FER1L5: variants seen among roughly 807,000 people sequenced by gnomAD.
The protein encoded by FER1L5 is fer-1-like protein 5.
FER1L5 carries 187 observed loss-of-function variants against 279.9 expected under a neutral mutation model. The observed-to-expected ratio is 0.67, with a 90% CI of 0.59 to 0.75. The LOEUF (loss-of-function observed/expected upper bound fraction) is 0.75, where lower values mean the gene tolerates loss of function less well. Among genes scored for constraint, FER1L5 ranks in the 30% least tolerant of loss-of-function variants. FER1L5 has a pLI of 0.00. For missense variants in FER1L5, 2,091 were observed against 2,594.4 expected (o/e 0.81, Z 4.21); for synonymous variants, 921 against 989.7 (o/e 0.93, Z 1.30).
Position 96,693,987 on chromosome 2 carries a change from C to T in FER1L5, c.3551C>T (p.Pro1184Leu). 6.4e-7 allele frequency: 1 copy of T among 1,551,550 alleles called. No individual in the cohort carries two copies. Among genetic ancestry groups the T allele is most frequent in the Non-Finnish European group, 8.7e-7 (1 of 1,146,992 alleles). The change falls in exon 33 of 53, where the codon CCC (proline) becomes CTC (leucine). Residue 1184 changes from proline (P) to leucine (L), a missense_variant. Transcript: ENST00000624922. ...WLDLQDRILP[P>L]MRWHPLVKEL... is the part of the protein sequence containing the mutation. ...GATCTCCAGGACCGGATCCTGCCCC[C>T]CATGAGGTGGCATCCCCTTGTAAAG... is the stretch of plus-strand genomic sequence containing the variant.
At chr2:96,643,865 GAAGT>G (rs2074995076) in intron 1 of FER1L5, among the ~76,000 whole-genome samples, 2 of 151,426 alleles carry the variant, frequency 1.3e-5, no homozygotes, top group Admixed American at 1.3e-4. Context: ...TAAAAGGAAA[GAAGT>G]AAAAGAAAAA....
rs960948953 is a variant in FER1L5 at position 96,669,997 on chromosome 2, T to G, written c.1363-122T>G. On this transcript the variant is annotated intron_variant, in intron 17 of 52. Coordinates refer to ENST00000624922, the MANE Select transcript of FER1L5 (RefSeq NM_001293083.2). ...TGGAATTCTTCTCCGGGATTGTGGT[T>G]GCAGTAAGCCCCGGGCAGGCAGTGA... 89 of 1,309,710 alleles carry G rather than the reference T, an allele frequency of 6.8e-5. No individual in the cohort carries two copies. In the East Asian group the frequency reaches 2.3e-3, roughly 33 times the overall value. The allele number at this position is 1,309,710 out of a possible 1,614,324, so 81.1% of individuals were successfully genotyped here.
In FER1L5 at chr2:96,696,066, A is replaced by C. The variant is rs750980263; in HGVS notation, c.4072A>C (p.Lys1358Gln). Residue 1358 changes from lysine to glutamine, a missense_variant, in exon 37 of 53, where the codon AAG (lysine) becomes CAG (glutamine). Transcript: ENST00000624922. ...HPKLPTLSEK[K>Q]HQDFLGYLYR... ...TCCCCGCACAGCGCTGTCTGAGAAG[A>C]AGCACCAAGACGTAAGTAAGGGCTG... 1.5e-5 allele frequency: 24 copies of C among 1,613,874 alleles called. No homozygotes were observed. Among genetic ancestry groups the C allele is most frequent in the East Asian group, 2.2e-5 (1 of 44,868 alleles).
chr2:96,661,465 C>G (rs1183035835), intron 11 of FER1L5, 25 bp downstream of exon 11: 6 of 1,547,500 alleles, frequency 3.9e-6, no homozygotes, highest in Non-Finnish European at 5.2e-6. Flanking sequence ...ACCCCGGAAA[C>G]TTTCCTATCC....
chr2:96,693,837 T>C, intron 32 of FER1L5, 74 bp from the exon 33 acceptor site: 1 of 1,482,962 alleles, frequency 6.7e-7, no homozygotes, highest in Non-Finnish European at 9.0e-7. Flanking sequence ...GCTGTTGCCC[T>C]TGCCTTGAGA....
chr2:96,665,605 C>CTT (rs769796630), intron 14 of FER1L5, among the ~76,000 whole-genome samples: 4 of 143,956 alleles, frequency 2.8e-5, no homozygotes, highest in Non-Finnish European at 6.1e-5. Context: ...CTTTGTTCAT[C>CTT]TTTTTTTTTT....
chr2:96,642,911 CG>C lies in FER1L5; in HGVS notation c.76del (p.Asp26ThrfsTer23). On this transcript the variant is annotated frameshift_variant, in exon 1 of 53. Coordinates refer to ENST00000624922, the MANE Select transcript of FER1L5 (RefSeq NM_001293083.2). LOFTEE classifies it high-confidence loss of function. Reference protein sequence around the residue: ...APLPRPCMSIDFRDIKKRTRV... With the variant: ...APLPRPCMSIXFRDIKKRTRV... ...CACTACCCAGGCCCTGCATGTCCAT[CG>C]ACTTCAGAGGTGAGAGCCTCCCTGG... The C allele has an allele frequency of 6.4e-7, 1 of 1,550,836 alleles. No homozygotes were observed. The highest frequency in any genetic ancestry group is 8.7e-7 in the Non-Finnish European group (1 of 1,146,570).
chr2:96,665,973 T>C (rs961003085), intron 14 of FER1L5, among the ~76,000 whole-genome samples: 1 of 151,918 alleles, frequency 6.6e-6, no homozygotes, highest in African/African-American at 2.4e-5. Context: ...TTTGAAGATG[T>C]TCAAACACCC....
chr2:96,647,305 A>C, intron 3 of FER1L5, 150 bp downstream of exon 3: 1 of 838,260 alleles, frequency 1.2e-6, no homozygotes, highest in Non-Finnish European at 1.8e-6. Context: ...GGGTACTGAA[A>C]GGGTAGCCAG....
chr2:96,704,585 C>A lies in FER1L5; in HGVS notation c.6067C>A (p.Gln2023Lys), dbSNP rs200360125. 2,237 of 1,613,982 alleles carry A rather than the reference C, an allele frequency of 1.4e-3. 1 individual carries two copies. Among genetic ancestry groups the A allele is most frequent in the Admixed American group, 2.2e-3 (131 of 60,026 alleles). ...CGCCAGCTCTTCCATCCTTCCCACC[C>A]AGGATCCAAACCTAAAGCCTACAAT... ...SNASSSILPT[Q>K]DPNLKPTIDH... Residue 2023 changes from glutamine to lysine, a missense_variant, in exon 53 of 53, where the codon CAG (glutamine) becomes AAG (lysine). By Grantham distance (53) the Gln-to-Lys change is moderately conservative. Transcript: ENST00000624922.
rs2077374681 is a variant in FER1L5, at chr2:96,696,253, T to C, written c.4083+176T>C. On this transcript the variant is annotated intron_variant, in intron 37 of 52. Transcript: ENST00000624922. ...CTGTAGGTCTCTAAGCCTGACTGCA[T>C]GTTAGAATCATCTGAGAGTTTTTGA... Among the ~76,000 whole-genome samples, 4 of 152,308 alleles carry C rather than the reference T, an allele frequency of 2.6e-5. No homozygotes were observed. The South Asian group carries it at 6.2e-4, about 24-fold the overall frequency.
chr2:96,651,239 C>T (rs376375394), intron 6 of FER1L5, among the ~76,000 whole-genome samples: 2 of 24,098 alleles, frequency 8.3e-5, no homozygotes, highest in Non-Finnish European at 9.1e-5. Flanking sequence ...CTTTCTTTCT[C>T]TTTCTTTCTT....
rs2076236115 is a variant in FER1L5 at position 96,669,236 on chromosome 2, T to G, written c.1362+99T>G. 7.4e-6 allele frequency: 9 copies of G among 1,210,328 alleles called. No homozygotes were observed. The Admixed American group carries it at 2.1e-4, about 28-fold the overall frequency. The allele number at this position is 1,210,328 out of a possible 1,614,324, so 75.0% of individuals were successfully genotyped here. A position where few individuals can be genotyped will look rare whatever the true frequency, so the allele number is the denominator to read the frequency against. ...GTGCCCCGAGGCCCCGGCCCTGGTTTCTGTCCCTCGGGGTCTTGTGGAGGA... is the reference window on the plus strand; with the variant it reads ...GTGCCCCGAGGCCCCGGCCCTGGTTGCTGTCCCTCGGGGTCTTGTGGAGGA... On this transcript the variant is annotated intron_variant, in intron 17 of 52. Coordinates refer to ENST00000624922, the MANE Select transcript of FER1L5 (RefSeq NM_001293083.2).
In FER1L5 at chr2:96,698,573, C is replaced by G; in HGVS notation, c.4357-98C>G. Reference sequence around the variant, plus strand: ...CTATCCCTGCCACCCTCAGCCCAACCCTCTCTCTCCTGAACATGGGCTGGG... The same window carrying G: ...CTATCCCTGCCACCCTCAGCCCAACGCTCTCTCTCCTGAACATGGGCTGGG... On this transcript the variant is annotated intron_variant, in intron 40 of 52. Transcript: ENST00000624922. This position sits in a 1 kb window ranked among gnomAD's most constrained non-coding sequence, Gnocchi z 5.5. 9.5e-7 allele frequency: 1 copy of G among 1,056,436 alleles called. No individual in the cohort carries two copies. Among genetic ancestry groups the G allele is most frequent in the South Asian group, 1.5e-5 (1 of 65,672 alleles). 65.4% of individuals were successfully genotyped at this position (1,056,436 alleles called of 1,614,324 possible).
rs985389957 is a variant in FER1L5, at chr2:96,691,533, G to A, written c.2996G>A (p.Arg999His). 94 of 1,549,804 alleles carry A rather than the reference G, an allele frequency of 6.1e-5. No homozygotes were observed. Among genetic ancestry groups the A allele is most frequent in the Middle Eastern group, 1.7e-4 (1 of 6,006 alleles). The change falls in exon 29 of 53, where the codon CGC (arginine) becomes CAC (histidine). Residue 999 changes from arginine to histidine, a missense_variant. Coordinates refer to ENST00000624922, the MANE Select transcript of FER1L5 (RefSeq NM_001293083.2). This position sits in a 1 kb window ranked among gnomAD's most constrained non-coding sequence, Gnocchi z 6.0. ...AACCCTCAGCCCCAGAGCCGGTTCC[G>A]CCGCCGCTGCTGGCGCCGCAGGCTG... is the stretch of plus-strand genomic sequence containing the variant. The part of the protein sequence containing the change: ...HLNPQPQSRF[R>H]RRCWRRRLAP...
At position 96,642,853 on chromosome 2, in the gene FER1L5, T is replaced by C. The variant is rs947247155; in HGVS notation, c.17T>C (p.Val6Ala). 4.6e-5 allele frequency: 71 copies of C among 1,550,742 alleles called. 1 individual carries two copies. The East Asian group carries it at 1.7e-3, about 36-fold the overall frequency. The change falls in exon 1 of 53, where the codon GTG becomes GCG. Residue 6 changes from valine to alanine, a missense_variant. Val to Ala is a moderately conservative substitution (Grantham distance 64). Transcript: ENST00000624922. MLRLV[V>A]QSAKIDPPLA... ...GTCTCCGAGATGCTGCGGCTTGTGG[T>C]GCAGTCGGCCAAGATTGACCCACCA...
chr2:96,674,002 TA>T (rs2076421702), intron 19 of FER1L5, among the ~76,000 whole-genome samples: 1 of 152,208 alleles, frequency 6.6e-6, no homozygotes, highest in South Asian at 2.1e-4. Flanking sequence ...ACCTGTCTTT[TA>T]AAAAAGCTTT....
At chr2:96,669,646 GTCCTCACTC>G (rs1271164152) in intron 17 of FER1L5, among the ~76,000 whole-genome samples, 2 of 152,096 alleles carry the variant, frequency 1.3e-5, no homozygotes, top group Non-Finnish European at 2.9e-5. Flanking sequence ...CCACTAGGAG[GTCCTCACTC>G]TCCTTCCCCC....
intron 9 of FER1L5, among the ~76,000 whole-genome samples, chr2:96,659,674 G>C (rs2075881738): frequency 6.6e-6 from 1 of 150,644 alleles, no homozygotes; most frequent in South Asian, 2.1e-4. Context: ...TGTATTTTTA[G>C]TAGAGACAAG....
Sources: allele counts gnomAD v4.1 joint callset (sites outside exome capture counted in the v4.1 genomes callset), GRCh38; gene constraint gnomAD v4.1.1; non-coding constraint Gnocchi (gnomAD v3.1); transcripts MANE v1.5; gene names NCBI Gene and HGNC (gene_info 2026-07-23, HGNC 2026-07-21).